The following NRXN3 variants were observed in gnomAD, a reference collection of about 807,000 sequenced individuals.
The protein encoded by NRXN3 is neurexin 3.
A neutral mutation model predicts 137.6 loss-of-function variants in NRXN3; 32 were observed. The observed-to-expected ratio is 0.23, with a 90% CI of 0.18 to 0.31. The LOEUF (loss-of-function observed/expected upper bound fraction) is 0.31. Among genes scored for constraint, NRXN3 ranks in the 10% least tolerant of loss-of-function variants. The probability of loss-of-function intolerance (pLI) is 1.00; values close to 1 mark genes in which losing one functional copy is unlikely to be tolerated. For synonymous variants in NRXN3, 798 were observed against 784.5 expected, an observed-to-expected ratio of 1.02 and a Z score of -0.29; for missense variants, 1,574 against 2,062.5, an observed-to-expected ratio of 0.76 and a Z score of 4.59.
intron 10 of NRXN3, among the ~76,000 whole-genome samples, chr14:78,838,532 A>G (rs2099003273): frequency 6.6e-6 from 1 of 152,144 alleles, no homozygotes; most frequent in Non-Finnish European, 1.5e-5. Context: ...TCTCAAAATA[A>G]TCTTGAGAGG....
intron 1 of NRXN3, among the ~76,000 whole-genome samples, chr14:78,227,589 G>T (rs1407563200): frequency 2.6e-5 from 4 of 152,164 alleles, no homozygotes; most frequent in African/African-American, 4.8e-5. Flanking sequence ...CACTAGCCTA[G>T]GGCTCTCACC....
chr14:79,103,207 C>T (rs542393180), intron 15 of NRXN3, among the ~76,000 whole-genome samples: 15 of 152,072 alleles, frequency 9.9e-5, no homozygotes, highest in African/African-American at 3.6e-4. Context: ...ATTCACTGGA[C>T]TTTAGAGGTT....
chr14:79,127,117 T>C (rs1330598249), intron 15 of NRXN3, among the ~76,000 whole-genome samples: 2 of 152,112 alleles, frequency 1.3e-5, no homozygotes, highest in African/African-American at 4.8e-5. Flanking sequence ...TTCTCCCATT[T>C]TGTGGGTTGC....
chr14:78,380,095 G>A (rs535095666), intron 4 of NRXN3, among the ~76,000 whole-genome samples: 4 of 152,016 alleles, frequency 2.6e-5, no homozygotes, highest in Admixed American at 2.6e-4. Flanking sequence ...AGAAATAGAG[G>A]AAATAAAAAC....
chr14:78,700,565 C>T (rs1399448540), intron 6 of NRXN3, among the ~76,000 whole-genome samples: 1 of 152,122 alleles, frequency 6.6e-6, no homozygotes, highest in African/African-American at 2.4e-5. Flanking sequence ...CTAGTTCTAT[C>T]TCGGAGAACT....
chr14:79,504,842 A>G (rs1026383820), intron 16 of NRXN3, among the ~76,000 whole-genome samples: 3 of 151,940 alleles, frequency 2.0e-5, no homozygotes, highest in Non-Finnish European at 4.4e-5. Flanking sequence ...AAAAGCATAA[A>G]GTAAAATTAT....
At chr14:78,171,953 G>A (rs550001304) in intron 1 of NRXN3, among the ~76,000 whole-genome samples, 73 of 152,182 alleles carry the variant, frequency 4.8e-4, no homozygotes, top group African/African-American at 1.7e-3. Flanking sequence ...GATGGAGCAA[G>A]ATAGAGTCAG....
At chr14:79,085,123 G>A (rs2047858697) in intron 15 of NRXN3, among the ~76,000 whole-genome samples, 1 of 152,094 alleles carries the variant, frequency 6.6e-6, no homozygotes, top group Admixed American at 6.6e-5. Flanking sequence ...GGAATCCTAA[G>A]CACTTATTTG....
At chr14:78,453,417 C>T (rs1027978227) in intron 4 of NRXN3, among the ~76,000 whole-genome samples, 1 of 152,178 alleles carries the variant, frequency 6.6e-6, no homozygotes, top group Non-Finnish European at 1.5e-5. Context: ...TGCTAAAGCC[C>T]AGGTCTACTT....
chr14:78,448,314 G>A (rs1371385175), intron 4 of NRXN3, among the ~76,000 whole-genome samples: 1 of 152,194 alleles, frequency 6.6e-6, no homozygotes, highest in Admixed American at 6.5e-5. Flanking sequence ...TGGAATGCAG[G>A]ATGAATATTA....
intron 14 of NRXN3, among the ~76,000 whole-genome samples, chr14:78,970,249 T>C (rs2099432199): frequency 2.0e-5 from 3 of 151,748 alleles, no homozygotes; most frequent in Non-Finnish European, 2.9e-5. Context: ...ATGTAACACA[T>C]GCAATTATAA....
intron 15 of NRXN3, among the ~76,000 whole-genome samples, chr14:79,359,244 C>T (rs925881763): frequency 7.9e-5 from 12 of 152,112 alleles, no homozygotes; most frequent in Non-Finnish European, 1.8e-4. Context: ...AAAGTCTTTT[C>T]CCATTGTTCT....
chr14:78,194,316 A>G (rs2061030316), intron 1 of NRXN3, among the ~76,000 whole-genome samples: 1 of 147,460 alleles, frequency 6.8e-6, no homozygotes, highest in African/African-American at 2.5e-5. Flanking sequence ...TGCCCAGGAG[A>G]GTTGGGAGAA....
intron 15 of NRXN3, among the ~76,000 whole-genome samples, chr14:79,086,943 T>G (rs1456539311): frequency 1.3e-5 from 2 of 152,182 alleles, no homozygotes; most frequent in East Asian, 1.9e-4. Context: ...CAATTGTCTG[T>G]AAGAGCTCAG....
intron 10 of NRXN3, among the ~76,000 whole-genome samples, chr14:78,936,673 T>G (rs1231604141): frequency 6.6e-6 from 1 of 152,198 alleles, no homozygotes; most frequent in Non-Finnish European, 1.5e-5. Flanking sequence ...GTGCAGTGTA[T>G]CATGTGTCCA....
intron 4 of NRXN3, among the ~76,000 whole-genome samples, chr14:78,604,093 C>T (rs1354297087): frequency 2.6e-5 from 4 of 152,070 alleles, no homozygotes; most frequent in Admixed American, 6.5e-5. Context: ...AGAATTAGAG[C>T]CAAGTGAAAG....
At chr14:79,580,745 A>T (rs2097707753) in intron 16 of NRXN3, among the ~76,000 whole-genome samples, 1 of 151,900 alleles carries the variant, frequency 6.6e-6, no homozygotes, top group African/African-American at 2.4e-5. Context: ...GCTTTGGCTT[A>T]AAAAAAAGTC....
At chr14:79,856,244 G>A (rs2099402245) in intron 20 of NRXN3, among the ~76,000 whole-genome samples, 1 of 152,074 alleles carries the variant, frequency 6.6e-6, no homozygotes, top group Admixed American at 6.6e-5. Context: ...TACTTGCCCT[G>A]TTTGTCCATG....
intron 4 of NRXN3, among the ~76,000 whole-genome samples, chr14:78,327,255 T>C (rs2080220502): frequency 6.6e-6 from 1 of 152,266 alleles, no homozygotes; most frequent in South Asian, 2.1e-4. Flanking sequence ...AGAATTAATA[T>C]CACAGAAACC....
Sources: gnomAD v4.1 joint callset for allele counts (sites outside exome capture counted in the v4.1 genomes callset) on GRCh38, gnomAD v4.1.1 for gene constraint, MANE v1.5 for transcripts, NCBI Gene and HGNC (gene_info 2026-07-23, HGNC 2026-07-21) for gene names.